CCDC68: variants seen among roughly 807,000 people sequenced by gnomAD.
CCDC68 encodes the protein coiled-coil domain containing 68.
CCDC68 carries 45 observed loss-of-function variants against 47.1 expected under a neutral mutation model. The ratio of observed to expected loss-of-function variants is 0.96; its 90% CI spans 0.75 to 1.23. The LOEUF (loss-of-function observed/expected upper bound fraction) is 1.23, where lower values mean the gene tolerates loss of function less well. Among genes scored for constraint, CCDC68 ranks in the 50% most tolerant of loss-of-function variants. CCDC68 has a pLI of 0.00. For missense variants in CCDC68, 353 were observed against 373.6 expected, an observed-to-expected ratio of 0.94 and a Z score of 0.45; for synonymous variants, 131 against 129.5, an observed-to-expected ratio of 1.01 and a Z score of -0.08.
At chr18:54,937,765 A>C in intron 5 of CCDC68, 192 bp downstream of exon 5, 1 of 446,158 alleles carries the variant, frequency 2.2e-6, no homozygotes, top group South Asian at 4.0e-5. Flanking sequence ...ATAACAAAAG[A>C]AGCCTCAAAA....
intron 10 of CCDC68, among the ~76,000 whole-genome samples, chr18:54,911,221 A>AT (rs397953333): frequency 8.7e-4 from 40 of 45,846 alleles, no homozygotes; most frequent in African/African-American, 2.9e-4. Flanking sequence ...CCATTTTTGT[A>AT]TTTTTTTTAG....
At chr18:54,936,122 ATATAT>A (rs1422416404) in intron 6 of CCDC68, among the ~76,000 whole-genome samples, 1 of 146,218 alleles carries the variant, frequency 6.8e-6, no homozygotes, top group Non-Finnish European at 1.5e-5. Context: ...ATATAGATAA[ATATAT>A]TTATTTATAT....
At chr18:54,918,026 C>A (rs2043986524) in intron 9 of CCDC68, 30 bp from the exon 10 acceptor site, 1 of 920,958 alleles carries the variant, frequency 1.1e-6, no homozygotes, top group East Asian at 2.6e-5. Flanking sequence ...ATAGGAAAAA[C>A]CTTGTCAGAC....
chr18:54,942,408 T>A (rs1391495043), intron 3 of CCDC68, among the ~76,000 whole-genome samples: 1 of 152,198 alleles, frequency 6.6e-6, no homozygotes, highest in African/African-American at 2.4e-5. Context: ...AATTAAGTGC[T>A]GATAGGTGTT....
rs187871277 is a variant in CCDC68 at position 54,905,730 on chromosome 18, C to G, written c.951-1315G>C. 7.8e-4 allele frequency among the ~76,000 whole-genome samples: 119 copies of G among 152,166 alleles called. No individual in the cohort carries two copies. The Middle Eastern group carries it at 0.02, about 26-fold the overall frequency. ...ATATCAGGGGTGCCCATGACTGGTG[C>G]CATGGACTGGTACCAGTCTATGGCC... On this transcript the variant is annotated intron_variant, in intron 11 of 11. Transcript: ENST00000591504.
intron 1 of CCDC68, among the ~76,000 whole-genome samples, chr18:54,953,957 T>G (rs2044664238): frequency 6.8e-6 from 1 of 146,756 alleles, no homozygotes; most frequent in African/African-American, 2.5e-5. Flanking sequence ...ATTCAGGGCC[T>G]GAAACAGCCA....
intron 7 of CCDC68, among the ~76,000 whole-genome samples, chr18:54,930,589 C>CCCTT (rs201155377): frequency 0.26 from 26,736 of 101,864 alleles, 4,609 homozygotes; most frequent in Non-Finnish European, 0.3. Flanking sequence ...GATACTCACT[C>CCCTT]CCTTCCTTCC....
At chr18:54,945,554 G>A (rs1599089929) in intron 1 of CCDC68, 77 bp from the exon 2 acceptor site, 2 of 151,704 alleles carry the variant, frequency 1.3e-5, no homozygotes, top group African/African-American at 4.8e-5. Context: ...AAAACACAAA[G>A]AATTTGCATA....
rs372995837 is a variant in CCDC68 at position 54,941,080 on chromosome 18, G to T, written c.121C>A (p.Arg41=). 3.1e-6 allele frequency: 5 copies of T among 1,607,048 alleles called. No homozygotes were observed. The highest frequency in any genetic ancestry group is 4.3e-6 in the Non-Finnish European group (5 of 1,175,744). The stretch of plus-strand genomic sequence containing the variant: ...GTCCTGATCTTTTGCAGAGTAGTTC[G>T]AATCTAGAGAAGGAAAACAAAACCA... ...IEETEYVKKI[R]TTLQKIRTQM... The change falls in exon 4 of 12, where the codon CGA becomes AGA. Residue 41 remains arginine, a synonymous_variant. Transcript: ENST00000591504.
intron 1 of CCDC68, among the ~76,000 whole-genome samples, chr18:54,953,601 AAAC>A (rs1285233144): frequency 6.6e-6 from 1 of 152,020 alleles, no homozygotes; most frequent in Non-Finnish European, 1.5e-5. Flanking sequence ...GGGTTGTTAA[AAAC>A]AACAGGCAAC....
Position 54,936,947 on chromosome 18 carries a change from G to A in CCDC68, c.357C>T (p.Ser119=), listed in dbSNP as rs763488999. The A allele has an allele frequency of 1.0e-4, 164 of 1,613,952 alleles. 3 individuals are homozygous for A. In the South Asian group the frequency reaches 1.7e-3, roughly 17 times the overall value. Residue 119 remains serine (S), a synonymous_variant, in exon 6 of 12, where the codon TCC becomes TCT. Coordinates refer to ENST00000591504, the MANE Select transcript of CCDC68 (RefSeq NM_025214.3). The part of the protein sequence containing the change: ...NEVLKIKLQA[S]REAGAAALRN... ...TCAGAGCTGCTGCTCCTGCTTCTCT[G>A]GAGGCTTGCAGCTAGAAAAAAGGTC...
chr18:54,906,446 T>A (rs1044417002), intron 11 of CCDC68, among the ~76,000 whole-genome samples: 3 of 152,260 alleles, frequency 2.0e-5, no homozygotes, highest in Middle Eastern at 3.4e-3. Context: ...GACCCCTATA[T>A]ACCAGCCAGA....
intron 1 of CCDC68, among the ~76,000 whole-genome samples, chr18:54,956,243 C>T (rs1456043425): frequency 6.6e-6 from 1 of 152,212 alleles, no homozygotes; most frequent in Non-Finnish European, 1.5e-5. Context: ...CCAGCTCAGC[C>T]TCCCAAAATG....
chr18:54,948,654 G>A (rs1316314065), intron 1 of CCDC68, among the ~76,000 whole-genome samples: 2 of 152,180 alleles, frequency 1.3e-5, no homozygotes, highest in Admixed American at 6.5e-5. Context: ...CACTGTGTTA[G>A]GAACTGTGGT....
intron 10 of CCDC68, among the ~76,000 whole-genome samples, chr18:54,914,622 T>C (rs2043913793): frequency 6.6e-6 from 1 of 151,642 alleles, no homozygotes. Flanking sequence ...TGAGACTCCA[T>C]CTCAAAAAAA....
chr18:54,926,485 T>C (rs2044147258), intron 8 of CCDC68, among the ~76,000 whole-genome samples: 1 of 152,214 alleles, frequency 6.6e-6, no homozygotes, highest in Non-Finnish European at 1.5e-5. Flanking sequence ...GTTTCTCCCA[T>C]GACATGTAGG....
At chr18:54,935,117 A>G (rs1020176599) in intron 6 of CCDC68, among the ~76,000 whole-genome samples, 169 bp from the exon 7 acceptor site, 7 of 152,236 alleles carry the variant, frequency 4.6e-5, no homozygotes, top group Non-Finnish European at 8.8e-5. Context: ...CTGATAGACT[A>G]CAACAACATT....
At position 54,951,820 on chromosome 18, in the gene CCDC68, T is replaced by A. The variant is rs190725613; in HGVS notation, c.-102-6343A>T. ...GCTGCATGGCTTAAAAACAAGGGAT[T>A]TGGACTCAGTTGTTCTGCCTACAAG... On this transcript the variant is annotated intron_variant, in intron 1 of 11. Transcript: ENST00000591504. Among the ~76,000 whole-genome samples, 74 of 152,296 alleles carry A rather than the reference T, an allele frequency of 4.9e-4. 1 individual carries two copies. Among genetic ancestry groups the A allele is most frequent in the African/African-American group, 1.7e-3 (71 of 41,550 alleles).
At chr18:54,957,889 C>G (rs2044741620) in intron 1 of CCDC68, 1 of 152,064 alleles carries the variant, frequency 6.6e-6, no homozygotes, top group Non-Finnish European at 1.5e-5. Flanking sequence ...GTCATTATTC[C>G]AAGCAAATAA....
Sources: allele counts gnomAD v4.1 joint callset (sites outside exome capture counted in the v4.1 genomes callset), GRCh38; gene constraint gnomAD v4.1.1; transcripts MANE v1.5; gene names NCBI Gene and HGNC (gene_info 2026-07-23, HGNC 2026-07-21).